TARS3: variants seen among roughly 807,000 people sequenced by gnomAD.
TARS3 encodes the protein threonyl-tRNA synthetase 3.
Under a neutral mutation model 103.5 loss-of-function variants are expected in TARS3, and 94 were observed. The ratio of observed to expected loss-of-function variants is 0.91; its 90% CI spans 0.77 to 1.08. The LOEUF (loss-of-function observed/expected upper bound fraction) is 1.08. Ranked by LOEUF, TARS3 falls within the 50% of genes least tolerant of loss-of-function variation. The pLI is 0.00. For missense variants in TARS3, 952 were observed against 995.2 expected (o/e 0.96, Z 0.58); for synonymous variants, 416 against 355.4 (o/e 1.17, Z -1.92).
At chr15:101,688,847 G>C (rs999599834) in intron 10 of TARS3, among the ~76,000 whole-genome samples, 8 of 152,148 alleles carry the variant, frequency 5.3e-5, no homozygotes, top group African/African-American at 1.9e-4. Context: ...TAGATTTCTA[G>C]GCTTCGCATT....
chr15:101,714,260 C>G (rs981182276), intron 4 of TARS3, among the ~76,000 whole-genome samples: 5 of 151,990 alleles, frequency 3.3e-5, no homozygotes, highest in African/African-American at 1.2e-4. Flanking sequence ...ATTTCAAACA[C>G]ACATTGATTT....
At chr15:101,699,071 A>G (rs1475706767) in intron 10 of TARS3, among the ~76,000 whole-genome samples, 1 of 152,166 alleles carries the variant, frequency 6.6e-6, no homozygotes, top group Non-Finnish European at 1.5e-5. Flanking sequence ...CCAGTGGGAG[A>G]TATCATCTAG....
intron 18 of TARS3, 26 bp downstream of exon 18, chr15:101,656,896 G>GA (rs777673605): frequency 6.8e-7 from 1 of 1,480,944 alleles, no homozygotes; most frequent in South Asian, 1.2e-5. Flanking sequence ...AAAGCATTTG[G>GA]AAAAATATAT....
At position 101,708,917 on chromosome 15, in the gene TARS3, A is replaced by G; in HGVS notation, c.813-7T>C. 3 of 1,521,760 alleles carry G rather than the reference A, an allele frequency of 2.0e-6. No individual in the cohort carries two copies. The highest frequency in any genetic ancestry group is 1.8e-6 in the Non-Finnish European group (2 of 1,122,876). The allele number at this position is 1,521,760 out of a possible 1,614,324, so 94.3% of individuals were successfully genotyped here. ...TTCTGTGCTGGACACTGCTCTAAAAAGAAGAGCAGAGAACCGACATCCATC... is the reference window on the plus strand; with the variant it reads ...TTCTGTGCTGGACACTGCTCTAAAAGGAAGAGCAGAGAACCGACATCCATC... On this transcript the variant is annotated splice_polypyrimidine_tract_variant and splice_region_variant and intron_variant, in intron 5 of 18. Coordinates refer to ENST00000335968, the MANE Select transcript of TARS3 (RefSeq NM_152334.3).
intron 12 of TARS3, among the ~76,000 whole-genome samples, chr15:101,679,415 A>T (rs1216494446): frequency 6.6e-6 from 1 of 152,088 alleles, no homozygotes; most frequent in Non-Finnish European, 1.5e-5. Context: ...CTATTCACTG[A>T]ATATTATATT....
chr15:101,722,952 T>C (rs1410051341), intron 2 of TARS3, 141 bp downstream of exon 2: 1 of 744,346 alleles, frequency 1.3e-6, no homozygotes, highest in African/African-American at 1.8e-5. Flanking sequence ...TATTTAAGGC[T>C]TGAAAAGTTT....
At chr15:101,711,492 A>C (rs1404571297) in intron 5 of TARS3, among the ~76,000 whole-genome samples, 3 of 152,206 alleles carry the variant, frequency 2.0e-5, no homozygotes, top group Non-Finnish European at 4.4e-5. Context: ...CTTCCTCATC[A>C]GCCTACTCAA....
chr15:101,694,854 A>G (rs1898890533), intron 10 of TARS3, among the ~76,000 whole-genome samples: 1 of 152,196 alleles, frequency 6.6e-6, no homozygotes, highest in Non-Finnish European at 1.5e-5. Flanking sequence ...TCAATTTCAT[A>G]GCGACAGAAA....
At position 101,654,206 on chromosome 15, in the gene TARS3, A is replaced by T; in HGVS notation, c.*376T>A. 5.9e-6 allele frequency: 1 copy of T among 168,080 alleles called. No homozygotes were observed. The highest frequency in any genetic ancestry group is 1.3e-5 in the Non-Finnish European group (1 of 79,522). The allele number at this position is 168,080 out of a possible 1,614,324, so 10.4% of individuals were successfully genotyped here. ...TAAAAATACCTGAGACATATTAGAA[A>T]ATAAGATTTTCCCTCCTATTTAAAA... On this transcript the variant is annotated 3_prime_UTR_variant, in exon 19 of 19. Transcript: ENST00000335968.
chr15:101,704,046 T>A, intron 7 of TARS3, 109 bp from the exon 8 acceptor site: 1 of 693,056 alleles, frequency 1.4e-6, no homozygotes, highest in Non-Finnish European at 2.4e-6. Context: ...TATTTATATG[T>A]AGCAATGCCA....
In TARS3 at chr15:101,702,349, C is replaced by A. The variant is rs1899325978; in HGVS notation, c.1111G>T (p.Glu371Ter). The stretch of plus-strand genomic sequence containing the variant: ...ATTCCATAGATCCTCTGCAATGTTT[C>A]CATTTCCGGATTGCCCTCCCAATAT... ...STYWEGNPEMETLQRIYGISF... is the reference protein window; with the variant it reads ...STYWEGNPEM The change falls in exon 9 of 19, where the codon GAA (glutamate) becomes TAA (stop). Residue 371 changes from glutamate (E) to a stop codon, truncating the protein, a stop_gained. Coordinates refer to ENST00000335968, the MANE Select transcript of TARS3 (RefSeq NM_152334.3). LOFTEE classifies it high-confidence loss of function. 6.2e-7 allele frequency: 1 copy of A among 1,613,966 alleles called. No homozygotes were observed. The highest frequency in any genetic ancestry group is 8.5e-7 in the Non-Finnish European group (1 of 1,179,890).
chr15:101,713,287 C>T (rs1247988347), intron 4 of TARS3, among the ~76,000 whole-genome samples: 1 of 152,060 alleles, frequency 6.6e-6, no homozygotes, highest in Non-Finnish European at 1.5e-5. Context: ...GGGGATGTGA[C>T]AAAGCATAGC....
chr15:101,673,418 C>T (rs1327257926), intron 13 of TARS3, among the ~76,000 whole-genome samples: 1 of 152,248 alleles, frequency 6.6e-6, no homozygotes, highest in Non-Finnish European at 1.5e-5. Context: ...GGCACTATGC[C>T]TAACACTCCA....
Position 101,721,133 on chromosome 15 carries a change from C to G in TARS3, c.559G>C (p.Glu187Gln). 1 of 1,594,562 alleles carries G rather than the reference C, an allele frequency of 6.3e-7. No individual in the cohort carries two copies. The highest frequency in any genetic ancestry group is 8.6e-7 in the Non-Finnish European group (1 of 1,163,932). The stretch of plus-strand genomic sequence containing the variant: ...TTCCACACTGCGGTTTACCTAATTT[C>G]AGCAGCCACTTGGTAAGGCGTTGTT... The part of the protein sequence containing the change: ...WKTTPYQVAA[E>Q]ISQELAESTV... The change falls in exon 3 of 19, where the codon GAA (glutamate) becomes CAA (glutamine). Residue 187 changes from glutamate (E) to glutamine (Q), a missense_variant. Coordinates refer to ENST00000335968, the MANE Select transcript of TARS3 (RefSeq NM_152334.3).
intron 16 of TARS3, among the ~76,000 whole-genome samples, chr15:101,659,231 T>G (rs1487777841): frequency 2.0e-5 from 3 of 152,216 alleles, no homozygotes; most frequent in Non-Finnish European, 4.4e-5. Flanking sequence ...TAGTGAGTAT[T>G]TAGTCTGAAG....
At chr15:101,660,676 C>T (rs996108029) in intron 16 of TARS3, among the ~76,000 whole-genome samples, 12 of 152,174 alleles carry the variant, frequency 7.9e-5, no homozygotes, top group African/African-American at 1.2e-4. Flanking sequence ...GGTACCATCC[C>T]GGGGGATCAC....
intron 6 of TARS3, 66 bp downstream of exon 6, chr15:101,708,727 G>T: frequency 1.9e-6 from 2 of 1,057,010 alleles, no homozygotes; most frequent in South Asian, 1.3e-5. Flanking sequence ...GGGGGAAGGT[G>T]GGGAAGCTAG....
rs1210306937 is a variant in TARS3 at position 101,685,924 on chromosome 15, G to A, written c.1459C>T (p.Leu487Phe). The A allele has an allele frequency of 2.5e-6, 4 of 1,613,934 alleles. No individual in the cohort carries two copies. The highest frequency in any genetic ancestry group is 3.3e-5 in the Admixed American group (2 of 60,004). Residue 487 changes from leucine to phenylalanine, a missense_variant, in exon 11 of 19, where the codon CTC becomes TTC. Coordinates refer to ENST00000335968, the MANE Select transcript of TARS3 (RefSeq NM_152334.3). ...TFEIEKDTFA[L>F]KPMNCPGHCL... ...TGCCCTGGACAATTCATGGGTTTGA[G>A]GGCAAAAGTGTCCTTTTCAATCTCA...
intron 10 of TARS3, among the ~76,000 whole-genome samples, chr15:101,695,302 T>C (rs554120317): frequency 6.6e-6 from 1 of 152,326 alleles, no homozygotes; most frequent in East Asian, 1.9e-4. Context: ...CCTGATCATC[T>C]TTCTGTCACT....
Sources: allele counts gnomAD v4.1 joint callset (sites outside exome capture counted in the v4.1 genomes callset), GRCh38; gene constraint gnomAD v4.1.1; transcripts MANE v1.5; gene names NCBI Gene and HGNC (gene_info 2026-07-23, HGNC 2026-07-21).